Variants in BCL2L14 observed in about 807,000 individuals in gnomAD.
The protein encoded by BCL2L14 is BCL2 like 14, also known as apoptosis facilitator Bcl-2-like protein 14.
In BCL2L14, 27 loss-of-function variants were observed where a neutral mutation model predicts 35.3. The ratio of observed to expected loss-of-function variants is 0.76; its 90% CI spans 0.56 to 1.05. The LOEUF (loss-of-function observed/expected upper bound fraction) is 1.05, where lower values mean the gene tolerates loss of function less well. BCL2L14 is among the 50% of genes least tolerant of loss of function. The pLI is 0.00. For missense variants in BCL2L14, 377 were observed against 382.6 expected, an observed-to-expected ratio of 0.99 and a Z score of 0.12; for synonymous variants, 139 against 145.9, an observed-to-expected ratio of 0.95 and a Z score of 0.34.
rs928869568 is a variant in BCL2L14, at chr12:12,097,000, C to T, written c.946-1950C>T. On this transcript the variant is annotated intron_variant, in intron 5 of 5. Transcript: ENST00000308721. ...CTACTAAAAATACAAAAAAATTAGC[C>T]GGGCATGGTGGCAGGTGCCTGTAGT... is the stretch of plus-strand genomic sequence containing the variant. 2.0e-5 allele frequency among the ~76,000 whole-genome samples: 3 copies of T among 152,024 alleles called. No individual in the cohort carries two copies. The East Asian group carries it at 5.8e-4, about 29-fold the overall frequency.
intron 4 of BCL2L14, among the ~76,000 whole-genome samples, chr12:12,092,639 C>G (rs1393165472): frequency 6.6e-6 from 1 of 152,184 alleles, no homozygotes; most frequent in African/African-American, 2.4e-5. Context: ...GATTCTTTTA[C>G]TGTTCTGGCA....
intron 2 of BCL2L14, among the ~76,000 whole-genome samples, chr12:12,082,349 T>G (rs1948946748): frequency 6.6e-6 from 1 of 152,182 alleles, no homozygotes; most frequent in African/African-American, 2.4e-5. Context: ...TCAGCTGCCC[T>G]CACCCAGCCA....
upstream of BCL2L14, among the ~76,000 whole-genome samples, chr12:12,068,533 G>T (rs2136724534): frequency 6.6e-6 from 1 of 152,226 alleles, no homozygotes; most frequent in Middle Eastern, 3.4e-3. Context: ...CTACCAAGTA[G>T]CTAGGACTAC....
chr12:12,075,626 T>C (rs1000730265), intron 1 of BCL2L14, among the ~76,000 whole-genome samples: 2 of 151,894 alleles, frequency 1.3e-5, no homozygotes, highest in Non-Finnish European at 2.9e-5. Flanking sequence ...GGTTTCTCCA[T>C]GTTGGTCAGG....
chr12:12,075,383 C>T (rs189237621), intron 1 of BCL2L14, among the ~76,000 whole-genome samples: 22 of 151,384 alleles, frequency 1.5e-4, no homozygotes, highest in African/African-American at 5.3e-4. Flanking sequence ...CAGGCGTGAA[C>T]GATTGTGCCC....
chr12:12,082,259 C>A (rs923055582), intron 2 of BCL2L14, among the ~76,000 whole-genome samples: 1 of 152,354 alleles, frequency 6.6e-6, no homozygotes, highest in East Asian at 1.9e-4. Flanking sequence ...GCTCTCTGAA[C>A]TCTGCCCAGC....
chr12:12,068,136 G>T, upstream of BCL2L14: 1 of 398,488 alleles, frequency 2.5e-6, no homozygotes, highest in Non-Finnish European at 4.4e-6. Context: ...TAGTGATGGG[G>T]TTATCACCAT....
chr12:12,075,413 C>A (rs1445107106), intron 1 of BCL2L14, among the ~76,000 whole-genome samples: 3 of 39,560 alleles, frequency 7.6e-5, no homozygotes, highest in African/African-American at 1.8e-4. Flanking sequence ...TGTTTCTATT[C>A]TTTCTTTCTT....
upstream of BCL2L14, among the ~76,000 whole-genome samples, chr12:12,066,090 C>T (rs576095366): frequency 2.8e-4 from 42 of 152,240 alleles, no homozygotes; most frequent in East Asian, 4.2e-3. Flanking sequence ...CGCACCTGGC[C>T]GAGAGTTTTT....
upstream of BCL2L14, among the ~76,000 whole-genome samples, chr12:12,070,587 G>A (rs191007774): frequency 1.1e-4 from 16 of 151,960 alleles, no homozygotes; most frequent in African/African-American, 3.1e-4. Flanking sequence ...TGAGATATGA[G>A]AATCGCTTGA....
intron 2 of BCL2L14, among the ~76,000 whole-genome samples, chr12:12,056,061 C>T (rs1948428166): frequency 6.6e-6 from 1 of 151,956 alleles, no homozygotes; most frequent in South Asian, 2.1e-4. Flanking sequence ...GTCAACTTAG[C>T]CAGAATCCCC....
intron 1 of BCL2L14, 79 bp from the exon 2 acceptor site, chr12:12,079,220 T>A: frequency 8.1e-7 from 1 of 1,231,008 alleles, no homozygotes; most frequent in Non-Finnish European, 1.1e-6. Flanking sequence ...TTTCCTGAGT[T>A]TTCACCCCTG....
upstream of BCL2L14, among the ~76,000 whole-genome samples, chr12:12,069,950 TC>T (rs1456784848): frequency 1.3e-5 from 2 of 152,176 alleles, no homozygotes; most frequent in African/African-American, 4.8e-5. Context: ...TAGCATTAAT[TC>T]CCCTTTCACT....
chr12:12,066,994 G>T (rs1051899288), upstream of BCL2L14, among the ~76,000 whole-genome samples: 1 of 152,100 alleles, frequency 6.6e-6, no homozygotes, highest in African/African-American at 2.4e-5. Flanking sequence ...ACAAGCATGA[G>T]CCACCGCACC....
intron 2 of BCL2L14, among the ~76,000 whole-genome samples, chr12:12,063,155 C>G (rs1453705029): frequency 6.7e-6 from 1 of 150,096 alleles, no homozygotes; most frequent in Non-Finnish European, 1.5e-5. Flanking sequence ...CTCCTATTCA[C>G]CATTCTCAAC....
chr12:12,061,964 G>C (rs1040407729), intron 2 of BCL2L14, among the ~76,000 whole-genome samples: 2 of 152,136 alleles, frequency 1.3e-5, no homozygotes, highest in African/African-American at 4.8e-5. Context: ...AGCCAGGACC[G>C]CACCCTGTAA....
intron 2 of BCL2L14, among the ~76,000 whole-genome samples, chr12:12,064,634 C>T (rs1377630910): frequency 6.6e-6 from 1 of 152,216 alleles, no homozygotes; most frequent in Non-Finnish European, 1.5e-5. Context: ...CTCTCTCAAC[C>T]ATCTCCAATT....
Position 12,062,159 on chromosome 12 carries a change from T to C in BCL2L14, c.-272+10312T>C, listed in dbSNP as rs1456781439. 5.3e-5 allele frequency among the ~76,000 whole-genome samples: 8 copies of C among 151,806 alleles called. No homozygotes were observed. The East Asian group carries it at 9.6e-4, about 18-fold the overall frequency. On this transcript the variant is annotated intron_variant, in intron 2 of 3. Transcript: ENST00000461264. Reference sequence around the variant, plus strand: ...CCTCATACCTGATGCATATACTTTCTGCTCCCCGGCTCCTTCAGCTGTACT... The same window carrying C: ...CCTCATACCTGATGCATATACTTTCCGCTCCCCGGCTCCTTCAGCTGTACT...
At chr12:12,068,141 C>T (rs1948615864), upstream of BCL2L14, 2 of 398,362 alleles carry the variant, frequency 5.0e-6, no homozygotes, top group Non-Finnish European at 8.8e-6. Context: ...ATGGGGTTAT[C>T]ACCATGTTGC....
Sources: gnomAD v4.1 joint callset for allele counts (sites outside exome capture counted in the v4.1 genomes callset) on GRCh38, gnomAD v4.1.1 for gene constraint, MANE v1.5 for transcripts, NCBI Gene and HGNC (gene_info 2026-07-23, HGNC 2026-07-21) for gene names.